Variants in TSPAN9 observed in about 807,000 individuals in gnomAD.
TSPAN9 encodes tetraspanin 9.
Under a neutral mutation model 31.0 loss-of-function variants are expected in TSPAN9, and 16 were observed. That is an observed-to-expected ratio of 0.52 (90% CI 0.35 to 0.78). TSPAN9 has a LOEUF of 0.78. TSPAN9 is among the 30% of genes least tolerant of loss of function. The pLI, the probability that TSPAN9 is intolerant of heterozygous loss-of-function variation, is 0.01. For synonymous variants in TSPAN9, 145 were observed against 121.6 expected, an observed-to-expected ratio of 1.19 and a Z score of -1.27; for missense variants, 272 against 312.5, an observed-to-expected ratio of 0.87 and a Z score of 0.98.
chr12:3,179,650 G>A (rs1464498489), intron 2 of TSPAN9, among the ~76,000 whole-genome samples: 1 of 152,116 alleles, frequency 6.6e-6, no homozygotes, highest in Non-Finnish European at 1.5e-5. Context: ...TGTATTCTGA[G>A]CTAACATCAT....
intron 2 of TSPAN9, among the ~76,000 whole-genome samples, chr12:3,118,946 C>T (rs74360238): frequency 0.012 from 1,776 of 152,214 alleles, 28 homozygotes; most frequent in African/African-American, 0.04. Flanking sequence ...GAGCTGTGGG[C>T]GCAGGACCGA....
chr12:3,267,326 A>G (rs1326409579), intron 3 of TSPAN9, among the ~76,000 whole-genome samples: 1 of 152,070 alleles, frequency 6.6e-6, no homozygotes, highest in African/African-American at 2.4e-5. Flanking sequence ...GGCAGGCGGA[A>G]CCCTGTTCAT....
intron 2 of TSPAN9, among the ~76,000 whole-genome samples, chr12:3,132,916 C>T (rs778506807): frequency 6.6e-6 from 1 of 152,128 alleles, no homozygotes; most frequent in Non-Finnish European, 1.5e-5. Context: ...CTCCCCGTCA[C>T]CTTTGGGGCC....
At position 3,283,324 on chromosome 12, in the gene TSPAN9, G is replaced by T; in HGVS notation, c.*208G>T. The T allele has an allele frequency of 1.8e-6, 1 of 552,762 alleles. No individual in the cohort carries two copies. The highest frequency in any genetic ancestry group is 3.1e-6 in the Non-Finnish European group (1 of 319,178). The allele number at this position is 552,762 out of a possible 1,614,324, so 34.2% of individuals were successfully genotyped here. A position where few individuals can be genotyped will look rare whatever the true frequency, so the allele number is the denominator to read the frequency against. ...AGGCACACGGAGACCTGGGGCTCGG[G>T]GCCCCTGGATTCCTGCATCTGCATA... is the stretch of plus-strand genomic sequence containing the variant. On this transcript the variant is annotated 3_prime_UTR_variant, in exon 9 of 9. Transcript: ENST00000011898.
intron 3 of TSPAN9, among the ~76,000 whole-genome samples, chr12:3,242,231 G>A (rs547345788): frequency 2.0e-5 from 3 of 152,380 alleles, no homozygotes; most frequent in Non-Finnish European, 4.4e-5. Flanking sequence ...TCATGAGCTG[G>A]GTTGGGATGG....
rs551530382 is a variant in TSPAN9, at chr12:3,097,602, C to T, written c.-18+13883C>T. 2.1e-3 allele frequency among the ~76,000 whole-genome samples: 315 copies of T among 152,270 alleles called. 1 individual carries two copies. The highest frequency in any genetic ancestry group is 3.8e-3 in the Non-Finnish European group (260 of 68,018). On this transcript the variant is annotated intron_variant, in intron 2 of 8. Coordinates refer to ENST00000011898, the MANE Select transcript of TSPAN9 (RefSeq NM_006675.5). ...AAGTTCAAGACGATTTCCTCTTCCT[C>T]TTCTGTGACTTCCTGGAGGAGGGGT... is the stretch of plus-strand genomic sequence containing the variant.
intron 2 of TSPAN9, among the ~76,000 whole-genome samples, chr12:3,191,384 G>GC (rs1158724606): frequency 5.9e-5 from 9 of 152,076 alleles, no homozygotes; most frequent in African/African-American, 1.7e-4. Flanking sequence ...CTGCCCAGCT[G>GC]CCCCCCTGCC....
intron 2 of TSPAN9, among the ~76,000 whole-genome samples, chr12:3,198,389 C>G (rs1394375429): frequency 9.5e-6 from 1 of 105,712 alleles, no homozygotes. Context: ...CCACCACCAG[C>G]ACAGGTCACC....
intron 3 of TSPAN9, among the ~76,000 whole-genome samples, chr12:3,214,244 A>AT (rs1338041796): frequency 6.6e-6 from 1 of 152,076 alleles, no homozygotes; most frequent in African/African-American, 2.4e-5. Flanking sequence ...TTATTGAGAT[A>AT]TTTTATCTTC....
Position 3,168,827 on chromosome 12 carries a change from G to T in TSPAN9, c.-17-32350G>T, listed in dbSNP as rs1431258227. ...ACTCGTTGAGTAAATGAATGAATCAGATGCGCTGCCTCGATGGCCCCGCCT... is the reference window on the plus strand; with the variant it reads ...ACTCGTTGAGTAAATGAATGAATCATATGCGCTGCCTCGATGGCCCCGCCT... On this transcript the variant is annotated intron_variant, in intron 2 of 8. Coordinates refer to ENST00000011898, the MANE Select transcript of TSPAN9 (RefSeq NM_006675.5). This position sits in a 1 kb window ranked among gnomAD's most constrained non-coding sequence, Gnocchi z 4.0. Among the ~76,000 whole-genome samples the T allele has an allele frequency of 6.6e-6, 1 of 152,180 alleles. No homozygotes were observed. The highest frequency in any genetic ancestry group is 1.5e-5 in the Non-Finnish European group (1 of 68,036).
intron 2 of TSPAN9, among the ~76,000 whole-genome samples, chr12:3,152,371 C>T (rs985169098): frequency 4.6e-5 from 7 of 152,346 alleles, no homozygotes; most frequent in Non-Finnish European, 7.3e-5. Context: ...CCCACCGGCC[C>T]CTCTTTTTGG....
Position 3,111,605 on chromosome 12 carries a change from CTT to C in TSPAN9, c.-18+27905_-18+27906del, listed in dbSNP as rs59487749. Among the ~76,000 whole-genome samples the C allele has an allele frequency of 5.4e-4, 73 of 136,104 alleles. No individual in the cohort carries two copies. The East Asian group carries it at 6.8e-3, about 13-fold the overall frequency. The allele number at this position is 136,104 out of a possible 152,430, so 89.3% of individuals were successfully genotyped here. A position where few individuals can be genotyped will look rare whatever the true frequency, so the allele number is the denominator to read the frequency against. On this transcript the variant is annotated intron_variant, in intron 2 of 8. Coordinates refer to ENST00000011898, the MANE Select transcript of TSPAN9 (RefSeq NM_006675.5). The stretch of plus-strand genomic sequence containing the variant: ...AATGATCAGTGTTTACGTGCATTAC[CTT>C]TTTTTTTTTTTTTTTTTTGAGACAG...
At chr12:3,155,921 C>T (rs530572229) in intron 2 of TSPAN9, among the ~76,000 whole-genome samples, 6 of 152,202 alleles carry the variant, frequency 3.9e-5, no homozygotes, top group Admixed American at 1.3e-4. Flanking sequence ...CTCTTCAGGA[C>T]GCCGAAAGGA....
chr12:3,211,058 C>T (rs1185715205), intron 3 of TSPAN9, among the ~76,000 whole-genome samples: 1 of 152,124 alleles, frequency 6.6e-6, no homozygotes, highest in Non-Finnish European at 1.5e-5. Context: ...AGCTTTACAG[C>T]CTGGTAGTAA....
intron 3 of TSPAN9, among the ~76,000 whole-genome samples, chr12:3,236,022 C>G (rs1471963111): frequency 2.6e-5 from 4 of 152,250 alleles, no homozygotes; most frequent in Non-Finnish European, 4.4e-5. Context: ...ACAGCTCTGT[C>G]CCTGTGACTT....
At chr12:3,142,528 C>A (rs995237267) in intron 2 of TSPAN9, among the ~76,000 whole-genome samples, 1 of 152,190 alleles carries the variant, frequency 6.6e-6, no homozygotes, top group African/African-American at 2.4e-5. Context: ...ACAGGGACAG[C>A]TGCCTGTGGT....
At chr12:3,283,003 C>G in intron 8 of TSPAN9, 42 bp from the exon 9 acceptor site, 1 of 1,598,754 alleles carries the variant, frequency 6.3e-7, no homozygotes, top group South Asian at 1.1e-5. Flanking sequence ...CAGGTCCAGG[C>G]TGCTGCAGCT....
intron 2 of TSPAN9, among the ~76,000 whole-genome samples, chr12:3,167,997 T>TG (rs2098349483): frequency 6.6e-6 from 1 of 152,088 alleles, no homozygotes. Flanking sequence ...CTGGGAGGAT[T>TG]GGGGTCAGTT....
intron 2 of TSPAN9, among the ~76,000 whole-genome samples, chr12:3,152,154 C>T (rs76352322): frequency 0.078 from 11,799 of 152,214 alleles, 485 homozygotes; most frequent in Non-Finnish European, 0.093. Flanking sequence ...GGAGGTAAGG[C>T]AAGGAGGGCT....
Sources: gnomAD v4.1 joint callset for allele counts (sites outside exome capture counted in the v4.1 genomes callset) on GRCh38, gnomAD v4.1.1 for gene constraint, Gnocchi (gnomAD v3.1) non-coding constraint, MANE v1.5 for transcripts, NCBI Gene and HGNC (gene_info 2026-07-23, HGNC 2026-07-21) for gene names.